Variants in KIF7 observed in about 807,000 individuals in gnomAD.
KIF7 encodes the protein kinesin-like protein KIF7.
Under a neutral mutation model 135.7 loss-of-function variants are expected in KIF7, and 104 were observed. The ratio of observed to expected loss-of-function variants is 0.77; its 90% confidence interval spans 0.65 to 0.90. The LOEUF is 0.90. KIF7 is among the 40% of genes least tolerant of loss of function. KIF7 has a pLI of 0.00. For synonymous variants in KIF7, 883 were observed against 809.4 expected (o/e 1.09, Z -1.54); for missense variants, 2,005 against 1,839.1 (o/e 1.09, Z -1.65).
At chr15:89,624,994 G>A (rs750006492), downstream of KIF7, 17 of 1,613,974 alleles carry the variant, frequency 1.1e-5, no homozygotes, top group Admixed American at 2.8e-4. Flanking sequence ...CTATGAGGTT[G>A]AGCTGGAGAT....
chr15:89,629,316 G>A lies in KIF7; in HGVS notation c.3517+59C>T, dbSNP rs551850103. 1.5e-4 allele frequency: 207 copies of A among 1,366,758 alleles called. 1 individual carries two copies. The South Asian group carries it at 2.6e-3, about 17-fold the overall frequency. 84.7% of individuals were successfully genotyped at this position (1,366,758 alleles called of 1,614,324 possible). The stretch of plus-strand genomic sequence containing the variant: ...AGGGAGGGGGGTGCAGGGCGGGGAA[G>A]ATGGGGGTGGGGGGGATGGAGGGGG... On this transcript the variant is annotated intron_variant, in intron 17 of 18. Transcript: ENST00000394412.
In KIF7 at chr15:89,628,891, C is replaced by T. The variant is rs1963599111; in HGVS notation, c.3664+85G>A. 2.5e-6 allele frequency: 4 copies of T among 1,611,682 alleles called. No individual in the cohort carries two copies. In the Admixed American group the frequency reaches 6.7e-5, roughly 27 times the overall value. On this transcript the variant is annotated intron_variant, in intron 18 of 18. Transcript: ENST00000394412. The stretch of plus-strand genomic sequence containing the variant: ...ACAATAAGCAACCTGTGAATTGAGC[C>T]AATAAAGGCTCGAGGGAGAGTGGTC...
Position 89,649,940 on chromosome 15 carries a change from GGCTGGGGAGACACC to G in KIF7, c.329-13_329del. The G allele has an allele frequency of 6.4e-7, 1 of 1,550,782 alleles. No homozygotes were observed. Among genetic ancestry groups the G allele is most frequent in the South Asian group, 1.2e-5 (1 of 84,064 alleles). ...TGCCCTGCTCATCCTCAAGGAGGGA[GGCTGGGGAGACACC>G]GCAGGGCCTCCTGCCACTTCAGCTG... On this transcript the variant is annotated splice_acceptor_variant and splice_polypyrimidine_tract_variant and coding_sequence_variant and intron_variant, in exon 3 of 19. Coordinates refer to ENST00000394412, the MANE Select transcript of KIF7 (RefSeq NM_198525.3). LOFTEE classifies it high-confidence loss of function.
chr15:89,645,052 G>A lies in KIF7; in HGVS notation c.2152C>T (p.Arg718Cys), dbSNP rs372882880. 160 of 1,607,442 alleles carry A rather than the reference G, an allele frequency of 1.0e-4. 1 individual carries two copies. In the South Asian group the frequency reaches 1.5e-3, roughly 15 times the overall value. Residue 718 changes from arginine (R) to cysteine (C), a missense_variant, in exon 10 of 19, where the codon CGC becomes TGC. By Grantham distance (180) the Arg-to-Cys change is radical. Coordinates refer to ENST00000394412, the MANE Select transcript of KIF7 (RefSeq NM_198525.3). ...QKIRELAINI[R>C]MKEELIGELV... ...TCGCCAATAAGCTCCTCCTTCATGCGGATGTTGATAGCCAGCTCCCGGATC... is the reference window on the plus strand; with the variant it reads ...TCGCCAATAAGCTCCTCCTTCATGCAGATGTTGATAGCCAGCTCCCGGATC...
At chr15:89,655,091 TC>T (rs1375383441) in intron 1 of KIF7, among the ~76,000 whole-genome samples, 1 of 152,076 alleles carries the variant, frequency 6.6e-6, no homozygotes, top group East Asian at 1.9e-4. Context: ...GGGACGGAGC[TC>T]CATGAAAGTT....
At chr15:89,625,079 G>A (rs1963494715), downstream of KIF7, 1 of 1,613,924 alleles carries the variant, frequency 6.2e-7, no homozygotes, top group Non-Finnish European at 8.5e-7. Context: ...GAGCCCCTCA[G>A]CAAGGAGGAG....
In KIF7 at chr15:89,642,373, T is replaced by C; in HGVS notation, c.2224A>G (p.Ser742Gly). 6.2e-7 allele frequency: 1 copy of C among 1,608,186 alleles called. No homozygotes were observed. ...TGCTCCAGCTCCCGGATACGCTGGC[T>C]GTGCTGGCGGTTCAGGGCCTGAGCT... ...KAAQALNRQH[S>G]QRIRELEQEA... Residue 742 changes from serine (S) to glycine (G), a missense_variant, in exon 11 of 19, where the codon AGC (serine) becomes GGC (glycine). By Grantham distance (56) the Ser-to-Gly change is moderately conservative (BLOSUM62 0). Transcript: ENST00000394412.
chr15:89,618,004 A>G (rs1963363183), intron 2 of KIF7: 3 of 811,524 alleles, frequency 3.7e-6, no homozygotes, highest in African/African-American at 1.7e-5. Flanking sequence ...CCTCTTGACA[A>G]TAATCACGTA....
downstream of KIF7, chr15:89,625,805 C>T (rs1474074682): frequency 3.2e-6 from 5 of 1,582,818 alleles, no homozygotes; most frequent in Non-Finnish European, 4.3e-6. Flanking sequence ...GTTTTTGAAA[C>T]CCAGTTTCCT....
rs749391087 is a variant in KIF7 at position 89,645,394 on chromosome 15, C to G, written c.1980G>C (p.Glu660Asp). Reference protein sequence around the residue: ...RAGARPGSLPERKGPELCLEE... With the variant: ...RAGARPGSLPDRKGPELCLEE... The stretch of plus-strand genomic sequence containing the variant: ...CAAGGCAAAGCTCTGGGCCCTTCCT[C>G]TCTGGCAGACTCCCTGGGCGTGCCC... The change falls in exon 9 of 19, where the codon GAG becomes GAC. Residue 660 changes from glutamate (E) to aspartate (D), a missense_variant. Transcript: ENST00000394412. The G allele has an allele frequency of 7.4e-6, 12 of 1,614,110 alleles. No individual in the cohort carries two copies. The South Asian group carries it at 8.8e-5, about 12-fold the overall frequency.
intron 8 of KIF7, 36 bp from the exon 9 acceptor site, chr15:89,645,487 A>C (rs770817920): frequency 6.5e-7 from 1 of 1,534,218 alleles, no homozygotes; most frequent in South Asian, 1.2e-5. Flanking sequence ...GCTCCTCCCC[A>C]GCCCCTGCCC....
chr15:89,628,272 C>T lies in KIF7; in HGVS notation c.*147G>A, dbSNP rs142747773. The T allele has an allele frequency of 9.9e-7, 1 of 1,008,458 alleles. No homozygotes were observed. Among genetic ancestry groups the T allele is most frequent in the East Asian group, 2.5e-5 (1 of 39,480 alleles). 62.5% of individuals were successfully genotyped at this position (1,008,458 alleles called of 1,614,324 possible). A position where few individuals can be genotyped will look rare whatever the true frequency, so the allele number is the denominator to read the frequency against. On this transcript the variant is annotated 3_prime_UTR_variant, in exon 19 of 19. Coordinates refer to ENST00000394412, the MANE Select transcript of KIF7 (RefSeq NM_198525.3). ...GGGTCCAGTTCTTTTGGGCCATGGC[C>T]CAAATTTGTTGATCCCAGTGAGGGT... is the stretch of plus-strand genomic sequence containing the variant.
chr15:89,659,455 G>GAAAGAAAGAAAGAAAGAAAGAC (rs796188447), upstream of KIF7, among the ~76,000 whole-genome samples: 1 of 140,786 alleles, frequency 7.1e-6, no homozygotes, highest in African/African-American at 2.6e-5. Context: ...AAGAGAGAGA[G>GAAAGAAAGAAAGAAAGAAAGAC]AAAGAAAGAA....
At chr15:89,634,683 CAG>C (rs1218744370) in intron 11 of KIF7, among the ~76,000 whole-genome samples, 2 of 152,240 alleles carry the variant, frequency 1.3e-5, no homozygotes, top group African/African-American at 2.4e-5. Flanking sequence ...CCTACGCCCA[CAG>C]AGTCTGGCTG....
At chr15:89,659,406 G>A (rs996942202), upstream of KIF7, among the ~76,000 whole-genome samples, 19 of 135,712 alleles carry the variant, frequency 1.4e-4, no homozygotes, top group African/African-American at 5.0e-4. Flanking sequence ...GTCTCAAAAA[G>A]AAGAAGGAAA....
downstream of KIF7, chr15:89,623,576 C>G (rs1963459033): frequency 6.5e-7 from 1 of 1,539,702 alleles, no homozygotes; most frequent in African/African-American, 1.4e-5. Context: ...CTTCAGAGAT[C>G]ATGAGTTATA....
chr15:89,627,821 G>A (rs1408270815), downstream of KIF7: 1 of 152,500 alleles, frequency 6.6e-6, no homozygotes, highest in African/African-American at 2.4e-5. Flanking sequence ...CGCTGGACCA[G>A]CCTGCTGCGG....
downstream of KIF7, chr15:89,625,760 C>T (rs780264569): frequency 1.2e-5 from 20 of 1,607,980 alleles, no homozygotes; most frequent in South Asian, 2.2e-5. Flanking sequence ...CTACCCTCCA[C>T]GGGAGACGAA....
intron 10 of KIF7, among the ~76,000 whole-genome samples, chr15:89,644,685 AAAAAAG>A (rs1161278183): frequency 1.3e-5 from 2 of 152,194 alleles, no homozygotes; most frequent in Non-Finnish European, 2.9e-5. Context: ...CTCTTTCTCA[AAAAAAG>A]AAAAAGAAGA....
Sources: gnomAD v4.1 joint callset for allele counts (sites outside exome capture counted in the v4.1 genomes callset) on GRCh38, gnomAD v4.1.1 for gene constraint, MANE v1.5 for transcripts, NCBI Gene and HGNC (gene_info 2026-07-23, HGNC 2026-07-21) for gene names.